CNOT1: variants seen among roughly 807,000 people sequenced by gnomAD.
The protein encoded by CNOT1 is CCR4-associated factor 1.
CNOT1 carries 15 observed loss-of-function variants against 273.8 expected under a neutral mutation model. That is an observed-to-expected ratio of 0.05 (90% confidence interval 0.04 to 0.08). The LOEUF (loss-of-function observed/expected upper bound fraction) is 0.08, where lower values mean the gene tolerates loss of function less well. CNOT1 is among the 10% of genes least tolerant of loss of function. The pLI, the probability that CNOT1 is intolerant of heterozygous loss-of-function variation, is 1.00. For missense variants in CNOT1, 1,644 were observed against 2,912.2 expected (o/e 0.56, Z 10.02); for synonymous variants, 1,022 against 1,005.5 (o/e 1.02, Z -0.31).
At chr16:58,591,233 G>C (rs1390570994) in intron 2 of CNOT1, among the ~76,000 whole-genome samples, 1 of 152,172 alleles carries the variant, frequency 6.6e-6, no homozygotes, top group African/African-American at 2.4e-5. Context: ...ACACTGACTT[G>C]TCTGAGACTG....
At chr16:58,531,849 G>A in intron 42 of CNOT1, 109 bp downstream of exon 42, 2 of 1,320,388 alleles carry the variant, frequency 1.5e-6, no homozygotes, top group African/African-American at 1.5e-5. Context: ...ACTAAGTTTG[G>A]AAGAAGTACA....
At chr16:58,626,863 A>T (rs1042538409) in intron 1 of CNOT1, among the ~76,000 whole-genome samples, 1 of 151,934 alleles carries the variant, frequency 6.6e-6, no homozygotes, top group African/African-American at 2.4e-5. Flanking sequence ...TTTTGTAAAG[A>T]CAGGGTCTCA....
At chr16:58,572,360 G>A (rs140163306) in intron 16 of CNOT1, among the ~76,000 whole-genome samples, 7 of 152,276 alleles carry the variant, frequency 4.6e-5, no homozygotes, top group Non-Finnish European at 7.4e-5. Flanking sequence ...GCCAGGTGCA[G>A]TAGCTCATGC....
At chr16:58,524,874 A>C (rs1163253691) in intron 46 of CNOT1, among the ~76,000 whole-genome samples, 1 of 152,172 alleles carries the variant, frequency 6.6e-6, no homozygotes, top group Non-Finnish European at 1.5e-5. Flanking sequence ...TAACAAAACA[A>C]TGTAACAAGA....
Position 58,549,831 on chromosome 16 carries a change from T to G in CNOT1, c.3410A>C (p.Lys1137Thr). ...MPWVSQYLVM[K>T]RVSIEPNFHS... Reference sequence around the variant, plus strand: ...AAAGTTTGGCTCAATACTGACTCTCTTCATAACCAGATACTGTGAAACCCA... The same window carrying G: ...AAAGTTTGGCTCAATACTGACTCTCGTCATAACCAGATACTGTGAAACCCA... Residue 1137 changes from lysine to threonine, a missense_variant, in exon 25 of 49, where the codon AAG (lysine) becomes ACG (threonine). Physicochemically the swap from Lys to Thr is moderately conservative, Grantham distance 78. Coordinates refer to ENST00000317147, the MANE Select transcript of CNOT1 (RefSeq NM_016284.5). 6.2e-7 allele frequency: 1 copy of G among 1,614,082 alleles called. No individual in the cohort carries two copies. Among genetic ancestry groups the G allele is most frequent in the Non-Finnish European group, 8.5e-7 (1 of 1,179,994 alleles).
At chr16:58,561,018 C>A (rs1207299373) in intron 16 of CNOT1, among the ~76,000 whole-genome samples, 1 of 151,976 alleles carries the variant, frequency 6.6e-6, no homozygotes, top group East Asian at 1.9e-4. Flanking sequence ...GAGTAAGACT[C>A]CGTCTTCAAA....
rs374536103 is a variant in CNOT1 at position 58,539,939 on chromosome 16, A to G, written c.4821T>C (p.Asp1607=). 6.2e-7 allele frequency: 1 copy of G among 1,607,212 alleles called. No individual in the cohort carries two copies. Residue 1607 remains aspartate (D), a synonymous_variant, in exon 35 of 49, where the codon GAT becomes GAC. Transcript: ENST00000317147. ...QPMKQAWATD[D]VAQIYDKCIT... ...TACACTTATCATAAATCTGAGCTAC[A>G]TCATCTGTTGCCCAAGCTTGCTGTT...
At chr16:58,585,207 T>C in intron 8 of CNOT1, 131 bp downstream of exon 8, 9 of 1,336,052 alleles carry the variant, frequency 6.7e-6, no homozygotes, top group Non-Finnish European at 9.3e-6. Flanking sequence ...TCGTGGAAGA[T>C]TAAAATTTAG....
intron 2 of CNOT1, among the ~76,000 whole-genome samples, chr16:58,598,554 G>C (rs2042349786): frequency 6.6e-6 from 1 of 151,510 alleles, no homozygotes; most frequent in African/African-American, 2.4e-5. Context: ...GAGCGACAGA[G>C]CTCAGGCTCC....
chr16:58,557,459 G>A (rs1035301111), intron 18 of CNOT1, among the ~76,000 whole-genome samples: 4 of 152,096 alleles, frequency 2.6e-5, no homozygotes, highest in African/African-American at 9.7e-5. Context: ...AATAAGTTCA[G>A]TGACGTTTAT....
intron 1 of CNOT1, among the ~76,000 whole-genome samples, chr16:58,603,267 C>T (rs528075270): frequency 1.1e-4 from 16 of 152,274 alleles, no homozygotes; most frequent in African/African-American, 3.8e-4. Flanking sequence ...TGGTGGCTCA[C>T]ACTTGCAGTC....
intron 2 of CNOT1, among the ~76,000 whole-genome samples, chr16:58,592,912 G>A (rs2042112119): frequency 6.6e-6 from 1 of 152,048 alleles, no homozygotes; most frequent in African/African-American, 2.4e-5. Context: ...GAGTGTGCCG[G>A]AAAAGCAGAA....
intron 12 of CNOT1, among the ~76,000 whole-genome samples, chr16:58,580,125 G>A (rs905802244): frequency 3.3e-5 from 5 of 152,190 alleles, no homozygotes; most frequent in East Asian, 3.9e-4. Flanking sequence ...CAGGAGAATC[G>A]CTTAAACCGG....
intron 1 of CNOT1, among the ~76,000 whole-genome samples, chr16:58,602,391 A>C (rs1305896136): frequency 1.3e-5 from 2 of 151,888 alleles, no homozygotes; most frequent in South Asian, 2.1e-4. Flanking sequence ...CTCATGGCTT[A>C]AAAAACCATC....
chr16:58,605,485 G>A (rs867544433), intron 1 of CNOT1, among the ~76,000 whole-genome samples: 10 of 152,192 alleles, frequency 6.6e-5, no homozygotes, highest in Admixed American at 2.6e-4. Flanking sequence ...CAGCCTAGGC[G>A]ACAGAGCAAG....
At position 58,539,977 on chromosome 16, in the gene CNOT1, A is replaced by G. The variant is rs763085335; in HGVS notation, c.4801-18T>C. On this transcript the variant is annotated intron_variant, in intron 34 of 48. Coordinates refer to ENST00000317147, the MANE Select transcript of CNOT1 (RefSeq NM_016284.5). The stretch of plus-strand genomic sequence containing the variant: ...CAAGCTTGCTGTTTTACAGAAGGAA[A>G]CAACCAACAAGAGACAAAAGAATGT... The G allele has an allele frequency of 3.8e-6, 6 of 1,593,892 alleles. No homozygotes were observed. Among genetic ancestry groups the G allele is most frequent in the Non-Finnish European group, 5.1e-6 (6 of 1,168,238 alleles).
In CNOT1 at chr16:58,525,562, C is replaced by CA. The variant is rs2307764; in HGVS notation, c.6604-204dup. Among the ~76,000 whole-genome samples the CA allele has an allele frequency of 0.25, 37,555 of 152,134 alleles. 5,047 individuals carry two copies. The highest frequency in any genetic ancestry group is 0.38 in the East Asian group (1,971 of 5,172). Reference sequence around the variant, plus strand: ...TCAATAAGAGAAATGTGATTTCCCTCAGGAAGCCGAAGCTCAAGGCACAGC... The same window carrying CA: ...TCAATAAGAGAAATGTGATTTCCCTCAAGGAAGCCGAAGCTCAAGGCACAGC... On this transcript the variant is annotated intron_variant, in intron 45 of 48. Coordinates refer to ENST00000317147, the MANE Select transcript of CNOT1 (RefSeq NM_016284.5).
rs1273745727 is a variant in CNOT1 at position 58,546,766 on chromosome 16, A to G, written c.3751-17T>C. ...CCTAAAAACCTAAAGAAAAGCTATTATGTTAAGCTGGCCCAAAATGTGCCC... is the reference window on the plus strand; with the variant it reads ...CCTAAAAACCTAAAGAAAAGCTATTGTGTTAAGCTGGCCCAAAATGTGCCC... On this transcript the variant is annotated splice_polypyrimidine_tract_variant and intron_variant, in intron 27 of 48. Transcript: ENST00000317147. 1.2e-6 allele frequency: 2 copies of G among 1,613,780 alleles called. No individual in the cohort carries two copies. The highest frequency in any genetic ancestry group is 2.2e-5 in the South Asian group (2 of 91,070).
At position 58,520,858 on chromosome 16, in the gene CNOT1, T is replaced by G; in HGVS notation, c.*100A>C. On this transcript the variant is annotated 3_prime_UTR_variant, in exon 49 of 49. Coordinates refer to ENST00000317147, the MANE Select transcript of CNOT1 (RefSeq NM_016284.5). ...GGCAGATACCCACAAACCAAAGGGC[T>G]GGGAAAGTCAGGAAGAGCTGAAAGG... 2 of 1,258,256 alleles carry G rather than the reference T, an allele frequency of 1.6e-6. No homozygotes were observed. 77.9% of individuals were successfully genotyped at this position (1,258,256 alleles called of 1,614,324 possible).
Sources: allele counts gnomAD v4.1 joint callset (sites outside exome capture counted in the v4.1 genomes callset), GRCh38; gene constraint gnomAD v4.1.1; transcripts MANE v1.5; gene names NCBI Gene and HGNC (gene_info 2026-07-23, HGNC 2026-07-21).